ABCD3: variants seen among roughly 807,000 people sequenced by gnomAD.
ABCD3 encodes ATP binding cassette subfamily D member 3.
Under a neutral mutation model 105.5 loss-of-function variants are expected in ABCD3, and 41 were observed. That is an observed-to-expected ratio of 0.39 (90% confidence interval 0.30 to 0.50). The LOEUF is 0.50. Among genes scored for constraint, ABCD3 ranks in the 20% least tolerant of loss-of-function variants. The pLI, the probability that ABCD3 is intolerant of heterozygous loss-of-function variation, is 0.84. For missense variants in ABCD3, 622 were observed against 806.3 expected (o/e 0.77, Z 2.77); for synonymous variants, 258 against 269.0 (o/e 0.96, Z 0.40).
intron 1 of ABCD3, among the ~76,000 whole-genome samples, chr1:94,455,056 C>T (rs1225180537): frequency 6.6e-6 from 1 of 152,128 alleles, no homozygotes; most frequent in Non-Finnish European, 1.5e-5. Context: ...CCATGCTATA[C>T]AGATTTTAGT....
At chr1:94,449,332 G>A (rs997161457) in intron 1 of ABCD3, among the ~76,000 whole-genome samples, 5 of 152,130 alleles carry the variant, frequency 3.3e-5, no homozygotes, top group African/African-American at 4.8e-5. Flanking sequence ...CACAGATGGC[G>A]GAATAAAAAC....
At chr1:94,481,688 C>G (rs879848377) in intron 9 of ABCD3, 2 of 152,314 alleles carry the variant, frequency 1.3e-5, no homozygotes, top group African/African-American at 4.8e-5. Flanking sequence ...TTCACTAGCT[C>G]CTCTCCCCTG....
chr1:94,443,914 C>T (rs377550447), intron 1 of ABCD3, among the ~76,000 whole-genome samples: 31 of 151,956 alleles, frequency 2.0e-4, no homozygotes, highest in African/African-American at 6.0e-4. Context: ...GTTATATTGC[C>T]GTATTTTTTT....
intron 1 of ABCD3, among the ~76,000 whole-genome samples, chr1:94,426,856 T>C (rs1488308630): frequency 6.6e-6 from 1 of 151,450 alleles, no homozygotes; most frequent in Non-Finnish European, 1.5e-5. Context: ...GAATTTTTTT[T>C]TTTTTTTTTT....
chr1:94,406,990 TC>T, the ABCD3 span: 1 of 152,070 alleles, frequency 6.6e-6, no homozygotes, highest in African/African-American at 2.4e-5. Context: ...ATGTTTATTT[TC>T]CCCTATAAAC....
At chr1:94,427,290 A>C (rs1300219668) in intron 1 of ABCD3, among the ~76,000 whole-genome samples, 1 of 152,210 alleles carries the variant, frequency 6.6e-6, no homozygotes, top group Non-Finnish European at 1.5e-5. Context: ...GGTCTCTTAC[A>C]TGGAAAGGGC....
the ABCD3 span, among the ~76,000 whole-genome samples, chr1:94,389,299 G>A: frequency 2.6e-5 from 4 of 152,132 alleles, no homozygotes; most frequent in Non-Finnish European, 5.9e-5. Flanking sequence ...CCCCAAAACT[G>A]GCCATAAACA....
At chr1:94,417,754 G>A (rs1659076631), upstream of ABCD3, among the ~76,000 whole-genome samples, 1 of 152,176 alleles carries the variant, frequency 6.6e-6, no homozygotes, top group African/African-American at 2.4e-5. Context: ...TTTCTATTTT[G>A]TTCTATTCTC....
the ABCD3 span, among the ~76,000 whole-genome samples, chr1:94,409,930 C>T: frequency 2.0e-5 from 3 of 152,150 alleles, no homozygotes; most frequent in Non-Finnish European, 4.4e-5. Context: ...AACGGTGCTA[C>T]TGGAATTAAT....
chr1:94,472,244 T>C, intron 4 of ABCD3: 1 of 979,798 alleles, frequency 1.0e-6, no homozygotes, highest in Non-Finnish European at 1.2e-6. Flanking sequence ...ACTCCAATGG[T>C]AAACCATTGC....
chr1:94,452,132 G>A (rs1019852840), intron 1 of ABCD3, among the ~76,000 whole-genome samples: 1 of 152,202 alleles, frequency 6.6e-6, no homozygotes, highest in East Asian at 1.9e-4. Flanking sequence ...AACTGGTACA[G>A]TTTTGAGACT....
chr1:94,396,682 A>T, the ABCD3 span, among the ~76,000 whole-genome samples: 1 of 152,184 alleles, frequency 6.6e-6, no homozygotes, highest in Non-Finnish European at 1.5e-5. Flanking sequence ...TAGTTACATA[A>T]ATATAACATT....
chr1:94,389,223 A>G, the ABCD3 span, among the ~76,000 whole-genome samples: 2 of 152,222 alleles, frequency 1.3e-5, no homozygotes, highest in Admixed American at 6.5e-5. Context: ...GATGCCTAAG[A>G]GGGCTGGAGA....
chr1:94,518,219 C>T lies in ABCD3; in HGVS notation c.*1090C>T, dbSNP rs1455604950. 1 of 152,254 alleles carries T rather than the reference C, an allele frequency of 6.6e-6. No individual in the cohort carries two copies. The highest frequency in any genetic ancestry group is 1.9e-4 in the East Asian group (1 of 5,166). The allele number at this position is 152,254 out of a possible 1,614,324, so 9.4% of individuals were successfully genotyped here. A position where few individuals can be genotyped will look rare whatever the true frequency, so the allele number is the denominator to read the frequency against. On this transcript the variant is annotated 3_prime_UTR_variant, in exon 23 of 23. Transcript: ENST00000370214. Reference sequence around the variant, plus strand: ...CTAAGCGAAGATGATTTCAGTTCATCAAATCATCATTAATGACTTTATGTA... The same window carrying T: ...CTAAGCGAAGATGATTTCAGTTCATTAAATCATCATTAATGACTTTATGTA...
In ABCD3 at chr1:94,475,100, G is replaced by A. The variant is rs544746668; in HGVS notation, c.406-43G>A. 4.5e-5 allele frequency: 57 copies of A among 1,276,816 alleles called. No homozygotes were observed. In the African/African-American group the frequency reaches 8.1e-4, roughly 18 times the overall value. The allele number at this position is 1,276,816 out of a possible 1,614,324, so 79.1% of individuals were successfully genotyped here. A position where few individuals can be genotyped will look rare whatever the true frequency, so the allele number is the denominator to read the frequency against. ...GAAATAAATTATAGTTTAGTAAGCA[G>A]AAATGAAAAGCAAAACCAATAATAT... is the stretch of plus-strand genomic sequence containing the variant. On this transcript the variant is annotated intron_variant, in intron 5 of 22. Coordinates refer to ENST00000370214, the MANE Select transcript of ABCD3 (RefSeq NM_002858.4).
chr1:94,448,615 G>A (rs1334902692), intron 1 of ABCD3, among the ~76,000 whole-genome samples: 1 of 152,196 alleles, frequency 6.6e-6, no homozygotes, highest in Non-Finnish European at 1.5e-5. Flanking sequence ...TTCTTCATAT[G>A]TGGTTCATTC....
the ABCD3 span, among the ~76,000 whole-genome samples, chr1:94,402,254 T>C: frequency 6.6e-6 from 1 of 152,144 alleles, no homozygotes; most frequent in Non-Finnish European, 1.5e-5. Flanking sequence ...CTGTTATGAG[T>C]GTTCTTTAAT....
At chr1:94,457,156 G>T (rs1048918892) in intron 1 of ABCD3, among the ~76,000 whole-genome samples, 1 of 152,060 alleles carries the variant, frequency 6.6e-6, no homozygotes, top group South Asian at 2.1e-4. Context: ...CCCTAATCAG[G>T]TGTATGGTTG....
intron 1 of ABCD3, among the ~76,000 whole-genome samples, chr1:94,451,103 T>G (rs1214749499): frequency 6.6e-6 from 1 of 152,220 alleles, no homozygotes; most frequent in Non-Finnish European, 1.5e-5. Flanking sequence ...ATGTTACTTT[T>G]TGGTAGGTAT....
Sources: gnomAD v4.1 joint callset for allele counts (sites outside exome capture counted in the v4.1 genomes callset) on GRCh38, gnomAD v4.1.1 for gene constraint, MANE v1.5 for transcripts, NCBI Gene and HGNC (gene_info 2026-07-23, HGNC 2026-07-21) for gene names.